ART3: variants seen among roughly 807,000 people sequenced by gnomAD.
ART3 encodes ecto-ADP-ribosyltransferase 3.
In ART3, 49 loss-of-function variants were observed where a neutral mutation model predicts 48.5. The observed-to-expected ratio is 1.01, with a 90% CI of 0.80 to 1.28. The LOEUF is 1.28. ART3 is among the 50% of genes most tolerant of loss of function. The pLI is 0.00. For synonymous variants in ART3, 145 were observed against 157.2 expected (o/e 0.92, Z 0.58); for missense variants, 438 against 454.3 (o/e 0.96, Z 0.33).
At chr4:76,062,654 G>A (rs1473492181) in intron 1 of ART3, among the ~76,000 whole-genome samples, 4 of 144,814 alleles carry the variant, frequency 2.8e-5, no homozygotes, top group East Asian at 4.2e-4. Context: ...TCCGCCTCTC[G>A]GGTTCACGCC....
At chr4:76,032,404 G>A (rs928970174) in intron 1 of ART3, among the ~76,000 whole-genome samples, 12 of 151,744 alleles carry the variant, frequency 7.9e-5, no homozygotes, top group Middle Eastern at 6.8e-3. Context: ...ATGAATTTTC[G>A]CTATGTTGCC....
chr4:76,107,841 T>G (rs766169318), intron 11 of ART3, 48 bp downstream of exon 11: 12 of 1,408,110 alleles, frequency 8.5e-6, no homozygotes, highest in Non-Finnish European at 1.2e-5. Context: ...GCTTCTGTAA[T>G]ATAGAAAAAG....
intron 1 of ART3, among the ~76,000 whole-genome samples, chr4:76,028,702 C>G (rs775927579): frequency 5.3e-5 from 8 of 152,286 alleles, no homozygotes; most frequent in Middle Eastern, 3.4e-3. Context: ...AAAGATTCCC[C>G]GAGCTCACAG....
At chr4:76,070,483 TGTC>T (rs1720202111), upstream of ART3, among the ~76,000 whole-genome samples, 1 of 152,222 alleles carries the variant, frequency 6.6e-6, no homozygotes, top group African/African-American at 2.4e-5. Context: ...CTTTGTGAAG[TGTC>T]AGTTCAGATC....
upstream of ART3, among the ~76,000 whole-genome samples, chr4:76,073,599 A>G (rs904764722): frequency 1.3e-5 from 2 of 152,236 alleles, no homozygotes; most frequent in African/African-American, 4.8e-5. Flanking sequence ...TCATAAGTAT[A>G]TAGCTCACTG....
intron 11 of ART3, chr4:76,111,897 T>G (rs1729563699): frequency 6.6e-6 from 1 of 152,628 alleles, no homozygotes; most frequent in Non-Finnish European, 1.5e-5. Flanking sequence ...TTTTATCTTT[T>G]TAAAAATAGA....
intron 1 of ART3, among the ~76,000 whole-genome samples, chr4:76,047,045 T>C (rs943985075): frequency 4.6e-5 from 7 of 151,992 alleles, no homozygotes; most frequent in African/African-American, 1.4e-4. Context: ...CATCATCTGG[T>C]TGGGGGCTTC....
intron 1 of ART3, chr4:76,021,253 A>G (rs1489966561): frequency 6.6e-6 from 1 of 152,258 alleles, no homozygotes; most frequent in Non-Finnish European, 1.5e-5. Context: ...CAGAGCATAT[A>G]TCTATCTGTA....
chr4:76,021,666 A>G lies in ART3; in HGVS notation c.-10+10346A>G, dbSNP rs1732827670. ...TATTTGAAGCAGGGTCAGAACATCCACTAAGAACATAGCACCTCAGTAGAG... is the reference window on the plus strand; with the variant it reads ...TATTTGAAGCAGGGTCAGAACATCCGCTAAGAACATAGCACCTCAGTAGAG... On this transcript the variant is annotated intron_variant, in intron 1 of 9. Transcript: ENST00000341029. 1.4e-5 allele frequency: 6 copies of G among 436,602 alleles called. No individual in the cohort carries two copies. The Admixed American group carries it at 2.3e-4, about 17-fold the overall frequency. The allele number at this position is 436,602 out of a possible 1,614,324, so 27.0% of individuals were successfully genotyped here.
chr4:76,052,828 A>C (rs1736261525), intron 1 of ART3, among the ~76,000 whole-genome samples: 1 of 151,682 alleles, frequency 6.6e-6, no homozygotes, highest in East Asian at 1.9e-4. Flanking sequence ...AAACAGATTC[A>C]AGCAATTCTC....
At chr4:76,089,760 C>A (rs916891770) in intron 3 of ART3, among the ~76,000 whole-genome samples, 2 of 152,080 alleles carry the variant, frequency 1.3e-5, no homozygotes, top group African/African-American at 4.8e-5. Context: ...AGATATCAAG[C>A]CTGGCTGTGT....
chr4:76,108,588 G>A (rs200163455), intron 11 of ART3, among the ~76,000 whole-genome samples: 18 of 150,676 alleles, frequency 1.2e-4, no homozygotes, highest in African/African-American at 3.7e-4. Context: ...CTTGACAATC[G>A]TCCAAACTGC....
chr4:76,055,876 A>G (rs1237131376), intron 1 of ART3, among the ~76,000 whole-genome samples: 2 of 152,202 alleles, frequency 1.3e-5, no homozygotes, highest in Non-Finnish European at 2.9e-5. Context: ...CAGACCAGCC[A>G]ATGTTTATTC....
intron 1 of ART3, among the ~76,000 whole-genome samples, chr4:76,031,209 T>C (rs527890214): frequency 5.9e-5 from 9 of 152,326 alleles, no homozygotes; most frequent in Admixed American, 5.2e-4. Flanking sequence ...TTTTTCATTG[T>C]ATTTTGTTTT....
At chr4:76,098,301 C>T (rs1242934651) in intron 4 of ART3, among the ~76,000 whole-genome samples, 1 of 151,770 alleles carries the variant, frequency 6.6e-6, no homozygotes, top group African/African-American at 2.4e-5. Context: ...ATCAAAGAGG[C>T]CTAATAAATT....
intron 3 of ART3, among the ~76,000 whole-genome samples, chr4:76,095,365 G>A (rs1198004302): frequency 6.6e-6 from 1 of 152,108 alleles, no homozygotes; most frequent in African/African-American, 2.4e-5. Flanking sequence ...AAAATTAGCT[G>A]GATGTGGTGG....
At chr4:76,049,447 C>G (rs886143569) in intron 1 of ART3, among the ~76,000 whole-genome samples, 6 of 151,740 alleles carry the variant, frequency 4.0e-5, no homozygotes, top group African/African-American at 1.5e-4. Flanking sequence ...TGGCTTTCCT[C>G]TCTGTCGACC....
intron 1 of ART3, among the ~76,000 whole-genome samples, chr4:76,043,633 G>A (rs531901125): frequency 3.2e-4 from 49 of 152,124 alleles, no homozygotes; most frequent in Non-Finnish European, 5.3e-4. Context: ...GCCCACAAGC[G>A]CTGTGCGCAG....
chr4:76,035,283 T>G (rs1734268853), intron 1 of ART3: 1 of 1,614,108 alleles, frequency 6.2e-7, no homozygotes, highest in Non-Finnish European at 8.5e-7. Flanking sequence ...TCTGCCACTT[T>G]CACTGCTTTT....
Sources: allele counts gnomAD v4.1 joint callset (sites outside exome capture counted in the v4.1 genomes callset), GRCh38; gene constraint gnomAD v4.1.1; transcripts MANE v1.5; gene names NCBI Gene and HGNC (gene_info 2026-07-23, HGNC 2026-07-21).